The following RBFOX1 variants were observed in gnomAD, a reference collection of about 807,000 sequenced individuals.
RBFOX1 encodes the protein RNA binding fox-1 homolog 1.
RBFOX1 carries 8 observed loss-of-function variants against 57.7 expected under a neutral mutation model. The observed-to-expected ratio is 0.14, with a 90% CI of 0.08 to 0.25. The LOEUF (loss-of-function observed/expected upper bound fraction) is 0.25, where lower values mean the gene tolerates loss of function less well. Among genes scored for constraint, RBFOX1 ranks in the 10% least tolerant of loss-of-function variants. The pLI is 1.00. For missense variants in RBFOX1, 611 were observed against 548.5 expected (o/e 1.11, Z -1.14); for synonymous variants, 326 against 222.4 (o/e 1.47, Z -4.15).
chr16:5,436,581 G>A (rs911932317), intron 1 of RBFOX1, among the ~76,000 whole-genome samples: 8 of 152,146 alleles, frequency 5.3e-5, no homozygotes, highest in African/African-American at 9.7e-5. Context: ...TGGTTCATTC[G>A]TGTAATCCTA....
chr16:6,867,187 C>T (rs1457585408), intron 3 of RBFOX1, among the ~76,000 whole-genome samples: 1 of 151,954 alleles, frequency 6.6e-6, no homozygotes, highest in African/African-American at 2.4e-5. Context: ...CTTGGTCTTG[C>T]AAAGAAAAGC....
At chr16:7,072,532 G>A (rs1415418138) in intron 4 of RBFOX1, among the ~76,000 whole-genome samples, 1 of 152,106 alleles carries the variant, frequency 6.6e-6, no homozygotes, top group Non-Finnish European at 1.5e-5. Flanking sequence ...AAATACCAGT[G>A]GCTATTGTTT....
chr16:6,040,756 G>C (rs1390005730), intron 1 of RBFOX1, among the ~76,000 whole-genome samples: 2 of 152,012 alleles, frequency 1.3e-5, no homozygotes, highest in African/African-American at 4.8e-5. Flanking sequence ...CACCATGCCT[G>C]GCAAATTTTT....
chr16:6,095,582 G>A (rs1374409517), intron 1 of RBFOX1, among the ~76,000 whole-genome samples: 2 of 152,132 alleles, frequency 1.3e-5, no homozygotes, highest in African/African-American at 4.8e-5. Context: ...GAAGGCAGAC[G>A]CCTCTAACAA....
chr16:7,459,624 T>A (rs1404126347), intron 4 of RBFOX1, among the ~76,000 whole-genome samples: 6 of 152,218 alleles, frequency 3.9e-5, no homozygotes, highest in Non-Finnish European at 8.8e-5. Flanking sequence ...ACAGTTCTAG[T>A]TTAAAATATT....
chr16:6,056,930 T>C (rs1182427541), intron 1 of RBFOX1: 1 of 151,796 alleles, frequency 6.6e-6, no homozygotes, highest in East Asian at 1.9e-4. Flanking sequence ...AAAGTCCTGA[T>C]GTGGCAATTG....
At chr16:6,796,498 T>G (rs564293658) in intron 3 of RBFOX1, among the ~76,000 whole-genome samples, 120 of 152,312 alleles carry the variant, frequency 7.9e-4, no homozygotes, top group African/African-American at 2.8e-3. Flanking sequence ...TTTCAATAAA[T>G]AACTCTTTCA....
Position 6,325,782 on chromosome 16 carries a change from C to G in RBFOX1, c.-64+8725C>G, listed in dbSNP as rs373787271. Among the ~76,000 whole-genome samples the G allele has an allele frequency of 1.2e-4, 19 of 152,250 alleles. No individual in the cohort carries two copies. The East Asian group carries it at 1.4e-3, about 11-fold the overall frequency. On this transcript the variant is annotated intron_variant, in intron 2 of 15. Transcript: ENST00000550418. ...TGAGAAGCTCCAAAGCAAAAAAACACAAACTTTGTCCATGTATAGATGGCC... is the reference window on the plus strand; with the variant it reads ...TGAGAAGCTCCAAAGCAAAAAAACAGAAACTTTGTCCATGTATAGATGGCC...
chr16:5,393,137 G>T (rs938430652), intron 1 of RBFOX1, among the ~76,000 whole-genome samples: 7 of 152,080 alleles, frequency 4.6e-5, no homozygotes, highest in Non-Finnish European at 8.8e-5. Flanking sequence ...TGATGGAAAT[G>T]GACTCTTGTT....
In RBFOX1 at chr16:6,557,006, CAT is replaced by C. The variant is rs1236015537; in HGVS notation, c.-63-97589_-63-97588del. On this transcript the variant is annotated intron_variant, in intron 2 of 15. Transcript: ENST00000550418. ...ACGTATATATACATACATATATATA[CAT>C]ATATATACATATATATACATATATA... is the stretch of plus-strand genomic sequence containing the variant. 1.1e-3 allele frequency among the ~76,000 whole-genome samples: 145 copies of C among 136,358 alleles called. 1 individual carries two copies. The highest frequency in any genetic ancestry group is 4.0e-3 in the Admixed American group (54 of 13,612). 89.5% of individuals were successfully genotyped at this position (136,358 alleles called of 152,430 possible).
chr16:6,728,717 A>G (rs1160241906), intron 3 of RBFOX1, among the ~76,000 whole-genome samples: 3 of 152,158 alleles, frequency 2.0e-5, no homozygotes, highest in Non-Finnish European at 2.9e-5. Flanking sequence ...GGCATTTTAT[A>G]TTTAATGCTC....
At chr16:5,612,450 A>T (rs1200521694) in intron 3 of RBFOX1, among the ~76,000 whole-genome samples, 1 of 149,212 alleles carries the variant, frequency 6.7e-6, no homozygotes, top group Admixed American at 7.0e-5. Context: ...GTGGGTCTAC[A>T]GTTTAGTGAG....
intron 3 of RBFOX1, among the ~76,000 whole-genome samples, chr16:5,778,415 C>G (rs1235960090): frequency 6.6e-6 from 1 of 152,176 alleles, no homozygotes; most frequent in Non-Finnish European, 1.5e-5. Flanking sequence ...ACCTGGTTCA[C>G]AATCTGATGG....
chr16:7,205,637 A>G (rs761369541), intron 4 of RBFOX1, among the ~76,000 whole-genome samples: 1 of 152,250 alleles, frequency 6.6e-6, no homozygotes, highest in Non-Finnish European at 1.5e-5. Context: ...AATACGATAC[A>G]TTTTAGAAAC....
intron 3 of RBFOX1, among the ~76,000 whole-genome samples, chr16:5,857,047 T>G (rs1424883084): frequency 6.6e-6 from 1 of 152,208 alleles, no homozygotes; most frequent in Admixed American, 6.5e-5. Context: ...AGTTTAATCA[T>G]TAGTTTTTGA....
intron 3 of RBFOX1, among the ~76,000 whole-genome samples, chr16:5,818,960 A>T (rs1393726020): frequency 1.3e-5 from 2 of 152,060 alleles, no homozygotes; most frequent in Non-Finnish European, 1.5e-5. Flanking sequence ...ATGGGTCTTA[A>T]TTACCTCTTG....
chr16:6,481,311 A>C (rs1396064874), intron 2 of RBFOX1, among the ~76,000 whole-genome samples: 1 of 152,162 alleles, frequency 6.6e-6, no homozygotes, highest in Non-Finnish European at 1.5e-5. Flanking sequence ...ACATGGTTTT[A>C]ACTGTTTGCT....
intron 1 of RBFOX1, among the ~76,000 whole-genome samples, chr16:6,051,435 C>G (rs1179199870): frequency 6.6e-6 from 1 of 152,056 alleles, no homozygotes; most frequent in Non-Finnish European, 1.5e-5. Flanking sequence ...TCAAGCGATT[C>G]TCATGCCTCC....
chr16:7,564,540 C>CAAAAAAAAAAAAAAAAAAAA (rs5815409), intron 5 of RBFOX1, among the ~76,000 whole-genome samples: 3 of 82,518 alleles, frequency 3.6e-5, no homozygotes, highest in African/African-American at 2.9e-4. Flanking sequence ...GACTCCATCT[C>CAAAAAAAAAAAAAAAAAAAA]AAAAAAAAAA....
Sources: allele counts gnomAD v4.1 joint callset (sites outside exome capture counted in the v4.1 genomes callset), GRCh38; gene constraint gnomAD v4.1.1; transcripts MANE v1.5; gene names NCBI Gene and HGNC (gene_info 2026-07-23, HGNC 2026-07-21).